The following LRP1B variants were observed in gnomAD, a reference collection of about 807,000 sequenced individuals.
LRP1B encodes the protein low-density lipoprotein receptor-related protein 1B.
LRP1B carries 217 observed loss-of-function variants against 556.6 expected under a neutral mutation model. That is an observed-to-expected ratio of 0.39 (90% CI 0.35 to 0.44). LRP1B has a LOEUF of 0.44. LRP1B is among the 20% of genes least tolerant of loss of function. The pLI is 1.00. For synonymous variants in LRP1B, 2,047 were observed against 1,865.8 expected, an observed-to-expected ratio of 1.10 and a Z score of -2.50; for missense variants, 5,053 against 5,620.8, an observed-to-expected ratio of 0.90 and a Z score of 3.23.
chr2:140,355,459 T>C (rs1191635222), intron 75 of LRP1B, among the ~76,000 whole-genome samples: 1 of 151,996 alleles, frequency 6.6e-6, no homozygotes, highest in African/African-American at 2.4e-5. Context: ...AAAATGTAGA[T>C]AAACATGACG....
intron 2 of LRP1B, among the ~76,000 whole-genome samples, chr2:141,524,274 A>ATATATATATATATG (rs1684621519): frequency 6.6e-6 from 1 of 151,290 alleles, no homozygotes; most frequent in Non-Finnish European, 1.5e-5. Flanking sequence ...ATATATATAT[A>ATATATATATATATG]TATATAAAAC....
At chr2:140,356,313 G>A (rs1302933779) in intron 75 of LRP1B, 29 bp downstream of exon 75, 10 of 1,606,700 alleles carry the variant, frequency 6.2e-6, no homozygotes, top group East Asian at 2.2e-5. Context: ...AAAGATTTAT[G>A]AGCAAACTGT....
intron 32 of LRP1B, among the ~76,000 whole-genome samples, chr2:140,805,310 T>C (rs1559129815): frequency 6.6e-6 from 1 of 152,162 alleles, no homozygotes; most frequent in Admixed American, 6.5e-5. Flanking sequence ...AGCTTAAATA[T>C]CTATGGAAAT....
rs145253102 is a variant in LRP1B, at chr2:141,947,535, C to T, written c.83-137134G>A. On this transcript the variant is annotated intron_variant, in intron 1 of 90. Transcript: ENST00000389484. ...TTATGAGGTAGGTATAACACTAGTG[C>T]CCTGGAGATAATGGCTTATTGAAGA... Among the ~76,000 whole-genome samples, 200 of 152,072 alleles carry T rather than the reference C, an allele frequency of 1.3e-3. 1 individual carries two copies. The highest frequency in any genetic ancestry group is 4.7e-3 in the African/African-American group (194 of 41,508).
At chr2:141,016,595 T>C (rs1282916113) in intron 12 of LRP1B, among the ~76,000 whole-genome samples, 1 of 152,114 alleles carries the variant, frequency 6.6e-6, no homozygotes, top group Non-Finnish European at 1.5e-5. Context: ...TGAGCTTTAA[T>C]GTCTATCTCA....
chr2:142,048,392 A>T (rs1704330982), intron 1 of LRP1B, among the ~76,000 whole-genome samples: 1 of 152,070 alleles, frequency 6.6e-6, no homozygotes, highest in African/African-American at 2.4e-5. Context: ...TGACTTGCAC[A>T]TAATGGACTG....
chr2:140,653,635 T>C (rs1400973817), intron 41 of LRP1B, among the ~76,000 whole-genome samples: 2 of 152,084 alleles, frequency 1.3e-5, no homozygotes, highest in Admixed American at 6.5e-5. Context: ...TAAGATAATA[T>C]ATGTGACCAT....
chr2:140,905,330 C>T (rs1379955879), intron 22 of LRP1B, among the ~76,000 whole-genome samples: 1 of 152,092 alleles, frequency 6.6e-6, no homozygotes, highest in Non-Finnish European at 1.5e-5. Context: ...ACCCCAGCTC[C>T]CACATTAAAT....
chr2:140,253,625 T>C lies in LRP1B; in HGVS notation c.13248-6463A>G, dbSNP rs1017139036. Among the ~76,000 whole-genome samples, 5 of 152,072 alleles carry C rather than the reference T, an allele frequency of 3.3e-5. No homozygotes were observed. The South Asian group carries it at 8.3e-4, about 25-fold the overall frequency. On this transcript the variant is annotated intron_variant, in intron 86 of 90. Coordinates refer to ENST00000389484, the MANE Select transcript of LRP1B (RefSeq NM_018557.3). ...GATGACTAAATATATATTTAAAAAA[T>C]ATGTCCAGAGATGGAAAATGTTTAT...
chr2:140,483,640 A>ATATATATATATATATATTT (rs1491228405), intron 59 of LRP1B, among the ~76,000 whole-genome samples: 1 of 70,734 alleles, frequency 1.4e-5, no homozygotes, highest in East Asian at 3.4e-4. Flanking sequence ...ATATATATAT[A>ATATATATATATATATATTT]TTTTTTTTTT....
At chr2:141,014,155 G>T (rs562192815) in intron 13 of LRP1B, among the ~76,000 whole-genome samples, 1 of 152,104 alleles carries the variant, frequency 6.6e-6, no homozygotes, top group African/African-American at 2.4e-5. Flanking sequence ...TTACAAAATT[G>T]CTCTTCCAAT....
rs1434728916 is a variant in LRP1B, at chr2:141,658,247, G to C, written c.205+152032C>G. Among the ~76,000 whole-genome samples, 2 of 152,184 alleles carry C rather than the reference G, an allele frequency of 1.3e-5. 1 individual carries two copies. Among genetic ancestry groups the C allele is most frequent in the East Asian group, 3.9e-4 (2 of 5,186 alleles). The stretch of plus-strand genomic sequence containing the variant: ...TCTGATATCCTATACACACCACATA[G>C]AGACAATAATAAACTGGTACAGGAA... On this transcript the variant is annotated intron_variant, in intron 2 of 90. Coordinates refer to ENST00000389484, the MANE Select transcript of LRP1B (RefSeq NM_018557.3).
intron 8 of LRP1B, among the ~76,000 whole-genome samples, chr2:141,061,739 C>G (rs536695991): frequency 6.6e-4 from 100 of 151,746 alleles, no homozygotes; most frequent in Admixed American, 2.1e-3. Flanking sequence ...GTAAATAGGC[C>G]ATAACATCTG....
intron 83 of LRP1B, among the ~76,000 whole-genome samples, chr2:140,313,220 T>TGAATCCATATGAGAACTAA (rs1684383003): frequency 1.3e-5 from 2 of 151,942 alleles, no homozygotes; most frequent in South Asian, 4.1e-4. Flanking sequence ...TATCTCATAT[T>TGAATCCATATGAGAACTAA]GAATCCATAT....
intron 28 of LRP1B, 104 bp downstream of exon 28, chr2:140,851,548 A>G (rs1176641666): frequency 7.3e-7 from 1 of 1,366,390 alleles, no homozygotes; most frequent in East Asian, 2.4e-5. Flanking sequence ...GAAAACAGAA[A>G]AAAAAACTTC....
At position 140,510,115 on chromosome 2, in the gene LRP1B, C is replaced by G. The variant is rs1574020760; in HGVS notation, c.8270-59G>C. 4 of 1,566,204 alleles carry G rather than the reference C, an allele frequency of 2.6e-6. No homozygotes were observed. In the East Asian group the frequency reaches 9.0e-5, roughly 35 times the overall value. ...CTCTGTGTCCACTGGAAAATGTCTACCATTTACATTTTCTACAGTAAGGGG... is the reference window on the plus strand; with the variant it reads ...CTCTGTGTCCACTGGAAAATGTCTAGCATTTACATTTTCTACAGTAAGGGG... On this transcript the variant is annotated intron_variant, in intron 51 of 90. Transcript: ENST00000389484.
At chr2:140,878,556 C>T (rs1364515084) in intron 25 of LRP1B, among the ~76,000 whole-genome samples, 1 of 152,028 alleles carries the variant, frequency 6.6e-6, no homozygotes, top group Non-Finnish European at 1.5e-5. Context: ...TTTGAGTGCA[C>T]AGATCTTTCA....
chr2:141,133,005 T>C (rs1017128151), intron 7 of LRP1B, among the ~76,000 whole-genome samples: 13 of 152,048 alleles, frequency 8.5e-5, no homozygotes, highest in South Asian at 2.1e-4. Context: ...CACCCTGATG[T>C]GATTTTATTC....
chr2:141,013,811 A>G (rs2105386202), intron 13 of LRP1B, 66 bp from the exon 14 acceptor site: 1 of 895,562 alleles, frequency 1.1e-6, no homozygotes, highest in Non-Finnish European at 1.6e-6. Flanking sequence ...AGATATTTAG[A>G]GAAAGTGATA....
Sources: gnomAD v4.1 joint callset for allele counts (sites outside exome capture counted in the v4.1 genomes callset) on GRCh38, gnomAD v4.1.1 for gene constraint, MANE v1.5 for transcripts, NCBI Gene and HGNC (gene_info 2026-07-23, HGNC 2026-07-21) for gene names.